XIRP2: variants seen among roughly 807,000 people sequenced by gnomAD.
The protein encoded by XIRP2 is xin actin-binding repeat-containing protein 2.
Under a neutral mutation model 277.0 loss-of-function variants are expected in XIRP2, and 236 were observed. That is an observed-to-expected ratio of 0.85 (90% CI 0.77 to 0.95). XIRP2 has a LOEUF of 0.95. Ranked by LOEUF, XIRP2 falls within the 40% of genes least tolerant of loss-of-function variation. XIRP2 has a pLI of 0.00. For synonymous variants in XIRP2, 1,490 were observed against 1,416.5 expected (o/e 1.05, Z -1.17); for missense variants, 4,640 against 4,157.5 (o/e 1.12, Z -3.19).
intron 3 of XIRP2, among the ~76,000 whole-genome samples, chr2:167,160,729 A>G (rs1692338745): frequency 6.6e-6 from 1 of 152,112 alleles, no homozygotes; most frequent in Non-Finnish European, 1.5e-5. Flanking sequence ...ACACAGACAA[A>G]CCATATCATT....
At chr2:167,119,708 A>G (rs1251933907) in intron 2 of XIRP2, among the ~76,000 whole-genome samples, 1 of 152,246 alleles carries the variant, frequency 6.6e-6, no homozygotes, top group African/African-American at 2.4e-5. Context: ...GACTACAGAG[A>G]TAATTACAAT....
chr2:167,000,505 G>T (rs1422703461), intron 2 of XIRP2, among the ~76,000 whole-genome samples: 3 of 143,090 alleles, frequency 2.1e-5, no homozygotes, highest in African/African-American at 2.6e-5. Context: ...TTGTTTTGGG[G>T]TTTTTTTGTT....
chr2:167,152,897 G>A (rs1351994503), intron 3 of XIRP2, among the ~76,000 whole-genome samples: 3 of 152,082 alleles, frequency 2.0e-5, no homozygotes, highest in Non-Finnish European at 4.4e-5. Context: ...TGTACCACAG[G>A]CATTAAAGTC....
intron 2 of XIRP2, among the ~76,000 whole-genome samples, chr2:166,988,677 C>T (rs1257857447): frequency 9.2e-6 from 1 of 108,818 alleles, no homozygotes; most frequent in Non-Finnish European, 1.8e-5. Context: ...CAGGGAGTTC[C>T]CTTTCCGAGT....
intron 2 of XIRP2, among the ~76,000 whole-genome samples, chr2:166,912,149 T>A (rs2105347283): frequency 6.6e-6 from 1 of 152,316 alleles, no homozygotes; most frequent in South Asian, 2.1e-4. Flanking sequence ...ATTTGAATAT[T>A]GGCCTGCCTT....
chr2:166,943,407 G>C (rs931121036), intron 2 of XIRP2, among the ~76,000 whole-genome samples: 4 of 152,194 alleles, frequency 2.6e-5, no homozygotes, highest in Admixed American at 2.0e-4. Context: ...TCTGAGCAGA[G>C]GATTCTTTTG....
At chr2:167,087,275 C>A (rs1689985528) in intron 2 of XIRP2, among the ~76,000 whole-genome samples, 1 of 152,146 alleles carries the variant, frequency 6.6e-6, no homozygotes, top group Non-Finnish European at 1.5e-5. Flanking sequence ...GGTCAGGGAC[C>A]CACTTGAGGA....
At position 167,015,075 on chromosome 2, in the gene XIRP2, A is replaced by T. The variant is rs1004602891; in HGVS notation, c.408+111185A>T. 2.6e-5 allele frequency among the ~76,000 whole-genome samples: 4 copies of T among 151,846 alleles called. No individual in the cohort carries two copies. In the Admixed American group the frequency reaches 2.6e-4, roughly 10 times the overall value. On this transcript the variant is annotated intron_variant, in intron 2 of 10. Coordinates refer to ENST00000409195, the MANE Select transcript of XIRP2 (RefSeq NM_152381.6). ...CCTGGCTCCTATTTCTGCAAAAATG[A>T]GTTCTTTCCCAAGACTCACCTTTGA...
intron 2 of XIRP2, among the ~76,000 whole-genome samples, chr2:167,026,031 A>C (rs1688146345): frequency 6.6e-6 from 1 of 152,016 alleles, no homozygotes; most frequent in Non-Finnish European, 1.5e-5. Context: ...TGTCTCGTTG[A>C]TCTGTCTAAT....
chr2:167,081,488 A>T (rs1689733623), intron 2 of XIRP2, among the ~76,000 whole-genome samples: 1 of 152,180 alleles, frequency 6.6e-6, no homozygotes, highest in Non-Finnish European at 1.5e-5. Flanking sequence ...TAAGATGAAA[A>T]ATAGAAAAGG....
chr2:166,919,042 G>A (rs550598256), intron 2 of XIRP2, among the ~76,000 whole-genome samples: 13 of 152,184 alleles, frequency 8.5e-5, no homozygotes, highest in Admixed American at 5.9e-4. Flanking sequence ...GAGTGGAGGT[G>A]GCTGTAAACA....
At chr2:167,226,561 T>C (rs1573974042) in intron 5 of XIRP2, among the ~76,000 whole-genome samples, 1 of 152,304 alleles carries the variant, frequency 6.6e-6, no homozygotes, top group South Asian at 2.1e-4. Flanking sequence ...GGACTTGCAC[T>C]TCTCAAGATG....
At chr2:166,891,371 A>G (rs1433542511) in intron 1 of XIRP2, among the ~76,000 whole-genome samples, 1 of 152,206 alleles carries the variant, frequency 6.6e-6, no homozygotes, top group Non-Finnish European at 1.5e-5. Flanking sequence ...CATGCATCCT[A>G]TTAGTGGGAA....
intron 2 of XIRP2, among the ~76,000 whole-genome samples, chr2:167,079,580 C>T (rs1689673618): frequency 6.6e-6 from 1 of 152,014 alleles, no homozygotes; most frequent in African/African-American, 2.4e-5. Context: ...CTGTATGTTT[C>T]CAGGGATTTA....
chr2:166,917,579 C>T (rs1277960637), intron 2 of XIRP2, among the ~76,000 whole-genome samples: 1 of 151,940 alleles, frequency 6.6e-6, no homozygotes, highest in African/African-American at 2.4e-5. Context: ...CATCTCTTCC[C>T]ATTTGTTTGT....
At chr2:167,171,988 C>G (rs370133919) in intron 3 of XIRP2, among the ~76,000 whole-genome samples, 3 of 152,200 alleles carry the variant, frequency 2.0e-5, no homozygotes, top group African/African-American at 7.2e-5. Flanking sequence ...TATTTTGGTA[C>G]AGGCATGCGA....
chr2:167,039,069 T>A (rs1355951616), intron 2 of XIRP2, among the ~76,000 whole-genome samples: 1 of 152,138 alleles, frequency 6.6e-6, no homozygotes, highest in Non-Finnish European at 1.5e-5. Flanking sequence ...AAGAACGATT[T>A]GGTGTATTAT....
chr2:166,902,806 G>T (rs537971290), intron 1 of XIRP2, among the ~76,000 whole-genome samples: 1 of 151,888 alleles, frequency 6.6e-6, no homozygotes, highest in Non-Finnish European at 1.5e-5. Context: ...TCAAATCCAG[G>T]CTTTGTCACT....
At chr2:167,089,569 A>G (rs75319654) in intron 2 of XIRP2, among the ~76,000 whole-genome samples, 5,520 of 152,284 alleles carry the variant, frequency 0.036, 134 homozygotes, top group East Asian at 0.052. Flanking sequence ...TACTGCTTTC[A>G]GCAAGGATGT....
Sources: allele counts gnomAD v4.1 joint callset (sites outside exome capture counted in the v4.1 genomes callset), GRCh38; gene constraint gnomAD v4.1.1; transcripts MANE v1.5; gene names NCBI Gene and HGNC (gene_info 2026-07-23, HGNC 2026-07-21).